PRUNE2: variants seen among roughly 807,000 people sequenced by gnomAD.
The protein encoded by PRUNE2 is protein prune homolog 2.
A neutral mutation model predicts 252.0 loss-of-function variants in PRUNE2; 164 were observed. The ratio of observed to expected loss-of-function variants is 0.65; its 90% CI spans 0.57 to 0.74. The LOEUF (loss-of-function observed/expected upper bound fraction) is 0.74. Ranked by LOEUF, PRUNE2 falls within the 30% of genes least tolerant of loss-of-function variation. PRUNE2 has a pLI of 0.00. For synonymous variants in PRUNE2, 1,292 were observed against 1,350.2 expected, an observed-to-expected ratio of 0.96 and a Z score of 0.94; for missense variants, 3,495 against 3,711.0, an observed-to-expected ratio of 0.94 and a Z score of 1.51.
chr9:76,678,349 CAAAAAAAAAA>C (rs58096428), intron 9 of PRUNE2, among the ~76,000 whole-genome samples: 1 of 83,114 alleles, frequency 1.2e-5, no homozygotes, highest in East Asian at 3.9e-4. Flanking sequence ...GAGACTCCAT[CAAAAAAAAAA>C]AAAAAAAAAA....
intron 1 of PRUNE2, 118 bp from the exon 2 acceptor site, chr9:76,854,326 A>G (rs1339369957): frequency 2.1e-6 from 1 of 482,418 alleles, no homozygotes; most frequent in African/African-American, 2.0e-5. Context: ...GCAGAGAATC[A>G]TAAATTTATC....
chr9:76,851,351 T>C (rs895838009), intron 2 of PRUNE2, among the ~76,000 whole-genome samples: 1 of 152,038 alleles, frequency 6.6e-6, no homozygotes, highest in South Asian at 2.1e-4. Context: ...ATCGAGACCA[T>C]CCTGGCTAAC....
intron 12 of PRUNE2, chr9:76,642,040 C>A: frequency 1.7e-6 from 2 of 1,180,906 alleles, no homozygotes; most frequent in Non-Finnish European, 2.3e-6. Context: ...AAAAGAAACT[C>A]CTTGTTAAAA....
At chr9:76,816,542 C>T (rs974186383) in intron 6 of PRUNE2, among the ~76,000 whole-genome samples, 1 of 152,132 alleles carries the variant, frequency 6.6e-6, no homozygotes, top group Non-Finnish European at 1.5e-5. Flanking sequence ...ACTTCAAATG[C>T]CTCACACCGA....
chr9:76,669,401 C>T (rs1256604182), intron 9 of PRUNE2, among the ~76,000 whole-genome samples: 2 of 152,070 alleles, frequency 1.3e-5, no homozygotes, highest in African/African-American at 4.8e-5. Context: ...CTCACTGCAA[C>T]CTCCGCCTCC....
intron 6 of PRUNE2, among the ~76,000 whole-genome samples, chr9:76,767,352 G>A (rs770339372): frequency 1.4e-4 from 21 of 152,112 alleles, no homozygotes; most frequent in East Asian, 5.8e-4. Flanking sequence ...TCGAGAGGCC[G>A]AGGCAGGAGA....
intron 6 of PRUNE2, among the ~76,000 whole-genome samples, chr9:76,736,071 A>G (rs2049044487): frequency 6.6e-6 from 1 of 152,214 alleles, no homozygotes; most frequent in African/African-American, 2.4e-5. Context: ...GAAAATATGA[A>G]ATACCAAATT....
At chr9:76,636,647 T>A in intron 14 of PRUNE2, 90 bp from the exon 15 acceptor site, 1 of 748,012 alleles carries the variant, frequency 1.3e-6, no homozygotes, top group South Asian at 1.7e-5. Flanking sequence ...TAAGAATATA[T>A]ATAATTTAAG....
At position 76,709,411 on chromosome 9, in the gene PRUNE2, C is replaced by G; in HGVS notation, c.2863G>C (p.Gly955Arg). Residue 955 changes from glycine (G) to arginine (R), a missense_variant, in exon 8 of 19, where the codon GGA (glycine) becomes CGA (arginine). By Grantham distance (125) the Gly-to-Arg change is moderately radical (BLOSUM62 -2). Transcript: ENST00000376718. ...KCSDYSASNLGEDSVPSPLDT... is the reference protein window; with the variant it reads ...KCSDYSASNLREDSVPSPLDT... ...AAGGGGGAAGGCACCGAATCTTCTC[C>G]TAGGTTGGATGCACTGTAATCAGAA... The G allele has an allele frequency of 1.2e-6, 2 of 1,613,992 alleles. No individual in the cohort carries two copies. The highest frequency in any genetic ancestry group is 1.7e-6 in the Non-Finnish European group (2 of 1,179,882).
At chr9:76,679,928 A>G (rs2043238665) in intron 9 of PRUNE2, among the ~76,000 whole-genome samples, 1 of 152,250 alleles carries the variant, frequency 6.6e-6, no homozygotes, top group Admixed American at 6.5e-5. Context: ...ACATAGAAGA[A>G]AAACTTCATG....
rs576087622 is a variant in PRUNE2 at position 76,613,024 on chromosome 9, A to G, written c.*1546T>C. On this transcript the variant is annotated 3_prime_UTR_variant, in exon 19 of 19. Transcript: ENST00000376718. ...CAGAGTGAGGCACGGACTTCAGCCA[A>G]CACCTGTATATACTAAAGAAGTGCT... is the stretch of plus-strand genomic sequence containing the variant. 1 of 152,304 alleles carries G rather than the reference A, an allele frequency of 6.6e-6. No homozygotes were observed. Among genetic ancestry groups the G allele is most frequent in the South Asian group, 2.1e-4 (1 of 4,826 alleles). The allele number at this position is 152,304 out of a possible 1,614,324, so 9.4% of individuals were successfully genotyped here.
At chr9:76,760,906 C>A (rs938673194) in intron 6 of PRUNE2, among the ~76,000 whole-genome samples, 1 of 151,862 alleles carries the variant, frequency 6.6e-6, no homozygotes, top group Admixed American at 6.6e-5. Context: ...GCCAACACTG[C>A]GAAACTCCAT....
chr9:76,668,680 G>C (rs993014358), intron 9 of PRUNE2, among the ~76,000 whole-genome samples: 1 of 151,872 alleles, frequency 6.6e-6, no homozygotes, highest in African/African-American at 2.4e-5. Flanking sequence ...AGTTCCTTGA[G>C]GGCCTGTGGG....
At chr9:76,672,490 TCAA>T (rs1337337428) in intron 9 of PRUNE2, among the ~76,000 whole-genome samples, 1 of 130,862 alleles carries the variant, frequency 7.6e-6, no homozygotes, top group Non-Finnish European at 1.6e-5. Context: ...ATTAGACAGA[TCAA>T]CGAGACAGAA....
At chr9:76,877,499 AAC>A (rs113656279) in intron 1 of PRUNE2, among the ~76,000 whole-genome samples, 22 of 150,164 alleles carry the variant, frequency 1.5e-4, no homozygotes, top group East Asian at 3.9e-4. Flanking sequence ...TCTCAATTAA[AAC>A]ACACACACAC....
Position 76,710,306 on chromosome 9 carries a change from C to A in PRUNE2, c.1968G>T (p.Trp656Cys). 6.2e-7 allele frequency: 1 copy of A among 1,614,006 alleles called. No individual in the cohort carries two copies. Among genetic ancestry groups the A allele is most frequent in the Non-Finnish European group, 8.5e-7 (1 of 1,179,892 alleles). ...PPQTHARCSS[W>C]WGGLEIDSKN... is the part of the protein sequence containing the mutation. ...TGGAGTCAATTTCCAAACCACCCCA[C>A]CAGCTGCTGCACCGTGCATGGGTCT... Residue 656 changes from tryptophan to cysteine, a missense_variant, in exon 8 of 19, where the codon TGG becomes TGT. Coordinates refer to ENST00000376718, the MANE Select transcript of PRUNE2 (RefSeq NM_015225.3).
chr9:76,614,232 T>C lies in PRUNE2; in HGVS notation c.*338A>G, dbSNP rs1179557596. On this transcript the variant is annotated 3_prime_UTR_variant, in exon 19 of 19. Transcript: ENST00000376718. ...TCTATGGAAACAAATCCACTCATAC[T>C]TAACAGTGGATTAAAGGTATCTTAC... 9.8e-6 allele frequency: 3 copies of C among 306,098 alleles called. No homozygotes were observed. The highest frequency in any genetic ancestry group is 1.8e-5 in the Non-Finnish European group (3 of 166,640). The allele number at this position is 306,098 out of a possible 1,614,324, so 19.0% of individuals were successfully genotyped here.
At chr9:76,813,464 G>T (rs1461184311) in intron 6 of PRUNE2, among the ~76,000 whole-genome samples, 1 of 152,122 alleles carries the variant, frequency 6.6e-6, no homozygotes, top group Admixed American at 6.6e-5. Context: ...AAAGTGTGTT[G>T]TGTCTCTAGT....
intron 6 of PRUNE2, among the ~76,000 whole-genome samples, chr9:76,725,896 A>G (rs549609572): frequency 6.6e-6 from 1 of 152,362 alleles, no homozygotes; most frequent in East Asian, 1.9e-4. Flanking sequence ...CACAAGTCAC[A>G]GAAACTTAAC....
Sources: gnomAD v4.1 joint callset for allele counts (sites outside exome capture counted in the v4.1 genomes callset) on GRCh38, gnomAD v4.1.1 for gene constraint, MANE v1.5 for transcripts, NCBI Gene and HGNC (gene_info 2026-07-23, HGNC 2026-07-21) for gene names.